CCDC148: variants seen among roughly 807,000 people sequenced by gnomAD.
The protein encoded by CCDC148 is coiled-coil domain containing 148.
CCDC148 carries 89 observed loss-of-function variants against 85.7 expected under a neutral mutation model. The ratio of observed to expected loss-of-function variants is 1.04; its 90% CI spans 0.87 to 1.24. The LOEUF is 1.24. CCDC148 is among the 50% of genes most tolerant of loss of function. The probability of loss-of-function intolerance (pLI) is 0.00; values close to 1 mark genes in which losing one functional copy is unlikely to be tolerated. For synonymous variants in CCDC148, 230 were observed against 213.9 expected, an observed-to-expected ratio of 1.08 and a Z score of -0.66; for missense variants, 692 against 671.7, an observed-to-expected ratio of 1.03 and a Z score of -0.33.
Position 158,456,611 on chromosome 2 carries a change from A to T in CCDC148, c.-172T>A. On this transcript the variant is annotated 5_prime_UTR_variant, in exon 1 of 14. Coordinates refer to ENST00000283233, the MANE Select transcript of CCDC148 (RefSeq NM_138803.4). Reference sequence around the variant, plus strand: ...TTGGGATTGGCAGTAAGGCAAGGAAAGCCTGCCCCAGATTTCAGAGCCAGC... The same window carrying T: ...TTGGGATTGGCAGTAAGGCAAGGAATGCCTGCCCCAGATTTCAGAGCCAGC... 2.6e-6 allele frequency: 2 copies of T among 782,774 alleles called. No homozygotes were observed. The highest frequency in any genetic ancestry group is 2.0e-6 in the Non-Finnish European group (1 of 497,764). The allele number at this position is 782,774 out of a possible 1,614,324, so 48.5% of individuals were successfully genotyped here.
At chr2:158,179,330 T>C (rs1471803061) in intron 11 of CCDC148, among the ~76,000 whole-genome samples, 1 of 151,918 alleles carries the variant, frequency 6.6e-6, no homozygotes, top group Non-Finnish European at 1.5e-5. Context: ...AGCTAATTTT[T>C]GTATTTTTAG....
intron 2 of CCDC148, among the ~76,000 whole-genome samples, chr2:158,352,852 A>C (rs1471142875): frequency 1.3e-5 from 2 of 152,166 alleles, no homozygotes; most frequent in Admixed American, 6.5e-5. Flanking sequence ...CTCAAAGGGA[A>C]GCCCATCAGA....
At chr2:158,420,753 T>C (rs1442269695) in intron 1 of CCDC148, among the ~76,000 whole-genome samples, 1 of 152,166 alleles carries the variant, frequency 6.6e-6, no homozygotes, top group Non-Finnish European at 1.5e-5. Flanking sequence ...ACCCTAAATG[T>C]AAATGGGCTA....
chr2:158,455,349 G>A (rs558143969), intron 1 of CCDC148, among the ~76,000 whole-genome samples: 1 of 151,814 alleles, frequency 6.6e-6, no homozygotes, highest in African/African-American at 2.4e-5. Context: ...CCCTGTGTAG[G>A]ACTGTCAACT....
intron 10 of CCDC148, among the ~76,000 whole-genome samples, chr2:158,247,405 T>C (rs1482762717): frequency 1.3e-5 from 2 of 152,122 alleles, no homozygotes; most frequent in Non-Finnish European, 2.9e-5. Context: ...ACACAGTTAT[T>C]CTCCTTCTAG....
chr2:158,342,780 G>A (rs996925586), intron 3 of CCDC148, among the ~76,000 whole-genome samples: 8 of 152,100 alleles, frequency 5.3e-5, no homozygotes, highest in Admixed American at 1.3e-4. Context: ...CTGGGCAAAC[G>A]AGCACACAAA....
intron 1 of CCDC148, among the ~76,000 whole-genome samples, chr2:158,454,237 A>T (rs1244847955): frequency 6.6e-6 from 1 of 152,268 alleles, no homozygotes; most frequent in Non-Finnish European, 1.5e-5. Context: ...GGTGAAAAGA[A>T]AGGCCAATAG....
At chr2:158,264,296 A>G (rs773078444) in intron 9 of CCDC148, among the ~76,000 whole-genome samples, 7 of 152,120 alleles carry the variant, frequency 4.6e-5, no homozygotes, top group Non-Finnish European at 8.8e-5. Flanking sequence ...TAATTTAAAG[A>G]AACTGGCAGT....
intron 1 of CCDC148, among the ~76,000 whole-genome samples, chr2:158,368,879 A>T (rs1423886845): frequency 2.0e-5 from 3 of 152,120 alleles, no homozygotes; most frequent in Non-Finnish European, 4.4e-5. Flanking sequence ...GATCATTTAT[A>T]TAAGGAGGCA....
chr2:158,360,026 G>A (rs2883851), intron 1 of CCDC148, among the ~76,000 whole-genome samples: 61,527 of 152,032 alleles, frequency 0.4, 13,149 homozygotes, highest in South Asian at 0.61. Flanking sequence ...TTGAGTAGGC[G>A]GTTTCCCCCT....
chr2:158,414,572 A>C (rs976995137), intron 1 of CCDC148, among the ~76,000 whole-genome samples: 32 of 64,926 alleles, frequency 4.9e-4, no homozygotes, highest in African/African-American at 9.6e-4. Flanking sequence ...CCTAAAACTT[A>C]AAAGTATAAA....
intron 11 of CCDC148, among the ~76,000 whole-genome samples, chr2:158,210,381 C>G (rs1351477359): frequency 6.6e-6 from 1 of 152,118 alleles, no homozygotes; most frequent in African/African-American, 2.4e-5. Flanking sequence ...TAACACCCCA[C>G]TGTCAATATT....
At chr2:158,230,776 G>A (rs2105312529) in intron 10 of CCDC148, among the ~76,000 whole-genome samples, 1 of 152,280 alleles carries the variant, frequency 6.6e-6, no homozygotes, top group East Asian at 1.9e-4. Flanking sequence ...CTGGACTCAG[G>A]AGATGGATTC....
intron 2 of CCDC148, among the ~76,000 whole-genome samples, chr2:158,356,313 A>G (rs975729810): frequency 3.5e-5 from 5 of 144,342 alleles, no homozygotes; most frequent in Non-Finnish European, 7.6e-5. Context: ...ATGGGAGAAA[A>G]TTTTCGCAAC....
chr2:158,203,940 A>G (rs1686097195), intron 11 of CCDC148, among the ~76,000 whole-genome samples: 3 of 152,184 alleles, frequency 2.0e-5, no homozygotes, highest in Non-Finnish European at 4.4e-5. Flanking sequence ...TTTGTTTAGA[A>G]TAAAAAGGCA....
chr2:158,220,486 G>A (rs1687116272), intron 11 of CCDC148, 109 bp downstream of exon 11: 1 of 696,704 alleles, frequency 1.4e-6, no homozygotes, highest in Non-Finnish European at 2.5e-6. Context: ...ATATTGAAAG[G>A]ATACATTAAG....
intron 7 of CCDC148, among the ~76,000 whole-genome samples, chr2:158,332,555 G>A (rs1693193325): frequency 1.3e-5 from 2 of 149,740 alleles, no homozygotes; most frequent in South Asian, 2.1e-4. Flanking sequence ...TATAAAATGA[G>A]TTAGGGAGGA....
At chr2:158,329,424 A>G (rs1486404275) in intron 7 of CCDC148, among the ~76,000 whole-genome samples, 4 of 152,144 alleles carry the variant, frequency 2.6e-5, no homozygotes, top group African/African-American at 9.7e-5. Flanking sequence ...GTAGCCTTGT[A>G]GTATAGTTTG....
At chr2:158,379,679 T>C (rs13432498) in intron 1 of CCDC148, among the ~76,000 whole-genome samples, 8,769 of 152,162 alleles carry the variant, frequency 0.058, 482 homozygotes, top group African/African-American at 0.15. Context: ...CCATCAACAT[T>C]GAGGCAAGAC....
Sources: allele counts gnomAD v4.1 joint callset (sites outside exome capture counted in the v4.1 genomes callset), GRCh38; gene constraint gnomAD v4.1.1; transcripts MANE v1.5; gene names NCBI Gene and HGNC (gene_info 2026-07-23, HGNC 2026-07-21).